COL28A1: variants seen among roughly 807,000 people sequenced by gnomAD.
COL28A1 encodes the protein collagen type XXVIII alpha 1 chain, also known as collagen alpha-1(XXVIII) chain.
COL28A1 carries 161 observed loss-of-function variants against 150.2 expected under a neutral mutation model. The ratio of observed to expected loss-of-function variants is 1.07; its 90% CI spans 0.94 to 1.22. The LOEUF is 1.22. Ranked by LOEUF, COL28A1 falls within the 50% of genes most tolerant of loss-of-function variation. The pLI, the probability that COL28A1 is intolerant of heterozygous loss-of-function variation, is 0.00. For synonymous variants in COL28A1, 552 were observed against 469.7 expected, an observed-to-expected ratio of 1.18 and a Z score of -2.26; for missense variants, 1,617 against 1,388.3, an observed-to-expected ratio of 1.16 and a Z score of -2.62.
chr7:7,432,377 A>G (rs1230701833), intron 25 of COL28A1, 96 bp downstream of exon 25: 18 of 876,860 alleles, frequency 2.1e-5, no homozygotes, highest in Non-Finnish European at 3.1e-5. Flanking sequence ...AGACACCTCT[A>G]CTCTTCTAGC....
At chr7:7,457,479 C>T (rs1423148224) in intron 15 of COL28A1, among the ~76,000 whole-genome samples, 2 of 152,076 alleles carry the variant, frequency 1.3e-5, no homozygotes, top group Non-Finnish European at 2.9e-5. Context: ...ATCAGGAGTT[C>T]AGTTTTGGAC....
intron 11 of COL28A1, among the ~76,000 whole-genome samples, chr7:7,498,591 T>A (rs141455076): frequency 3.9e-5 from 6 of 152,210 alleles, no homozygotes; most frequent in Non-Finnish European, 8.8e-5. Context: ...CTGAATTACA[T>A]ACTTATAGAT....
chr7:7,540,730 A>G (rs758840605), upstream of COL28A1, among the ~76,000 whole-genome samples: 1 of 152,228 alleles, frequency 6.6e-6, no homozygotes, highest in Non-Finnish European at 1.5e-5. Context: ...AGAACAAATC[A>G]TCATGGGCTA....
chr7:7,339,228 C>A, the COL28A1 span, among the ~76,000 whole-genome samples: 1 of 152,126 alleles, frequency 6.6e-6, no homozygotes, highest in Non-Finnish European at 1.5e-5. Flanking sequence ...AATCTTTTGC[C>A]TCTTAATTCC....
rs558132787 is a variant in COL28A1, at chr7:7,496,825, T to C, written c.1027-6179A>G. Among the ~76,000 whole-genome samples the C allele has an allele frequency of 3.3e-5, 5 of 152,346 alleles. No individual in the cohort carries two copies. The South Asian group carries it at 1.0e-3, about 32-fold the overall frequency. On this transcript the variant is annotated intron_variant, in intron 11 of 34. Transcript: ENST00000399429. ...ACTTTTAAAAATCATTTCCCAGATA[T>C]GCATGGGACCAACTTTAATATTTTA...
At chr7:7,398,115 A>G (rs1747437411) in intron 27 of COL28A1, among the ~76,000 whole-genome samples, 1 of 152,228 alleles carries the variant, frequency 6.6e-6, no homozygotes, top group Admixed American at 6.5e-5. Flanking sequence ...CACAGGGTAG[A>G]AATTTGTTTT....
rs536134357 is a variant in COL28A1 at position 7,508,219 on chromosome 7, G to A, written c.928-1058C>T. On this transcript the variant is annotated intron_variant, in intron 9 of 34. Coordinates refer to ENST00000399429, the MANE Select transcript of COL28A1 (RefSeq NM_001037763.3). ...TGCACTCCAGCCTGGGCAACAGAGCGAGACTCTGTCTCAAAAAAAAAAAAA... is the reference window on the plus strand; with the variant it reads ...TGCACTCCAGCCTGGGCAACAGAGCAAGACTCTGTCTCAAAAAAAAAAAAA... Among the ~76,000 whole-genome samples, 225 of 149,436 alleles carry A rather than the reference G, an allele frequency of 1.5e-3. 3 individuals are homozygous for A. The highest frequency in any genetic ancestry group is 4.9e-3 in the African/African-American group (198 of 40,630).
intron 15 of COL28A1, among the ~76,000 whole-genome samples, chr7:7,462,861 C>CA (rs3040227): frequency 3.1e-3 from 348 of 113,868 alleles, no homozygotes; most frequent in Middle Eastern, 8.9e-3. Context: ...AACTCCATCT[C>CA]AAAAAAAAAA....
At chr7:7,386,752 C>T (rs1307181766) in intron 27 of COL28A1, among the ~76,000 whole-genome samples, 1 of 152,134 alleles carries the variant, frequency 6.6e-6, no homozygotes, top group Non-Finnish European at 1.5e-5. Flanking sequence ...CAGGAGTAGG[C>T]TTCCCTTGTG....
intron 4 of COL28A1, among the ~76,000 whole-genome samples, chr7:7,523,694 A>G (rs970332165): frequency 6.6e-6 from 1 of 152,160 alleles, no homozygotes; most frequent in Non-Finnish European, 1.5e-5. Context: ...ATGATTATCT[A>G]TTGTGCTAAG....
chr7:7,399,682 G>T (rs1388955774), intron 27 of COL28A1, among the ~76,000 whole-genome samples: 4 of 152,146 alleles, frequency 2.6e-5, no homozygotes, highest in Non-Finnish European at 5.9e-5. Flanking sequence ...TGCGATCCAA[G>T]AATTCGTTAT....
chr7:7,530,869 A>G (rs77463654), intron 3 of COL28A1, among the ~76,000 whole-genome samples: 3,325 of 152,282 alleles, frequency 0.022, 145 homozygotes, highest in African/African-American at 0.076. Context: ...ATGTAACAAT[A>G]GGTGAGACAG....
chr7:7,497,841 T>C (rs1780303452), intron 11 of COL28A1, among the ~76,000 whole-genome samples: 1 of 152,226 alleles, frequency 6.6e-6, no homozygotes, highest in South Asian at 2.1e-4. Flanking sequence ...GGCAATACTG[T>C]GATCACACAA....
chr7:7,381,606 G>T lies in COL28A1; in HGVS notation c.2143C>A (p.Gln715Lys), dbSNP rs138688284. ...GGGCCTGGGAAGCCTTGTGGTCCTT[G>T]TTCCCCCTACATAGGATATGAGAAA... ...GYGSQGIKGE[Q>K]GPQGFPGPKG... is the part of the protein sequence containing the mutation. The change falls in exon 28 of 35, where the codon CAA (glutamine) becomes AAA (lysine). Residue 715 changes from glutamine to lysine, a missense_variant. Coordinates refer to ENST00000399429, the MANE Select transcript of COL28A1 (RefSeq NM_001037763.3). 4 of 1,612,766 alleles carry T rather than the reference G, an allele frequency of 2.5e-6. No individual in the cohort carries two copies. Among genetic ancestry groups the T allele is most frequent in the South Asian group, 2.2e-5 (2 of 91,064 alleles).
At chr7:7,353,009 T>C (rs1780265763), downstream of COL28A1, among the ~76,000 whole-genome samples, 1 of 152,184 alleles carries the variant, frequency 6.6e-6, no homozygotes, top group Non-Finnish European at 1.5e-5. Context: ...AGTCACTGTA[T>C]TACTCTCTTC....
intron 4 of COL28A1, 124 bp from the exon 5 acceptor site, chr7:7,522,085 T>C (rs1414747753): frequency 1.4e-6 from 1 of 718,702 alleles, no homozygotes; most frequent in Admixed American, 2.0e-5. Context: ...GCATTTCAAA[T>C]TGTATTCAGT....
At chr7:7,433,611 G>A (rs1785134379) in intron 23 of COL28A1, among the ~76,000 whole-genome samples, 1 of 150,276 alleles carries the variant, frequency 6.7e-6, no homozygotes, top group African/African-American at 2.5e-5. Context: ...TCCAGCCTGG[G>A]CGACAGAGCA....
chr7:7,502,914 G>C (rs1462666602), intron 11 of COL28A1, among the ~76,000 whole-genome samples: 1 of 47,396 alleles, frequency 2.1e-5, no homozygotes, highest in Non-Finnish European at 3.4e-5. Context: ...AGCCAGGATG[G>C]TCTCGATCTC....
At chr7:7,397,997 T>C (rs1049381980) in intron 27 of COL28A1, among the ~76,000 whole-genome samples, 1 of 152,242 alleles carries the variant, frequency 6.6e-6, no homozygotes, top group African/African-American at 2.4e-5. Context: ...CTTTAAAATA[T>C]ATTGAATTGG....
Sources: gnomAD v4.1 joint callset for allele counts (sites outside exome capture counted in the v4.1 genomes callset) on GRCh38, gnomAD v4.1.1 for gene constraint, MANE v1.5 for transcripts, NCBI Gene and HGNC (gene_info 2026-07-23, HGNC 2026-07-21) for gene names.